Variants in ZNF562 observed in about 807,000 individuals in gnomAD.
ZNF562 encodes the protein zinc finger protein 562.
A neutral mutation model predicts 17.5 loss-of-function variants in ZNF562; 13 were observed. The observed-to-expected ratio is 0.74, with a 90% CI of 0.48 to 1.18. The LOEUF is 1.18. Among genes scored for constraint, ZNF562 ranks in the 50% most tolerant of loss-of-function variants. The probability of loss-of-function intolerance (pLI) is 0.00; values close to 1 mark genes in which losing one functional copy is unlikely to be tolerated. For synonymous variants in ZNF562, 163 were observed against 165.4 expected, an observed-to-expected ratio of 0.99 and a Z score of 0.11; for missense variants, 481 against 498.5, an observed-to-expected ratio of 0.96 and a Z score of 0.33.
At position 9,648,240 on chromosome 19, in the gene ZNF562, A is replaced by G. The variant is rs2074822757; in HGVS notation, c.*4709T>C. The G allele has an allele frequency of 6.6e-6, 1 of 152,248 alleles. No homozygotes were observed. The highest frequency in any genetic ancestry group is 6.5e-5 in the Admixed American group (1 of 15,282). 9.4% of individuals were successfully genotyped at this position (152,248 alleles called of 1,614,324 possible). On this transcript the variant is annotated 3_prime_UTR_variant, in exon 6 of 6. Transcript: ENST00000453372. ...GATCCATTATGTCACAGTCGAGCTTATCCAGGAATACAAGGTTGATGTAAC... is the reference window on the plus strand; with the variant it reads ...GATCCATTATGTCACAGTCGAGCTTGTCCAGGAATACAAGGTTGATGTAAC...
Position 9,652,940 on chromosome 19 carries a change from A to T in ZNF562, c.*9T>A. On this transcript the variant is annotated 3_prime_UTR_variant, in exon 6 of 6. Transcript: ENST00000453372. ...GGAATACAGAAATTCTTTCCCACAT[A>T]TCTTGCATTTACCTTTCTCCACTGT... 1 of 1,474,708 alleles carries T rather than the reference A, an allele frequency of 6.8e-7. No individual in the cohort carries two copies. The highest frequency in any genetic ancestry group is 9.0e-7 in the Non-Finnish European group (1 of 1,112,436). 91.4% of individuals were successfully genotyped at this position (1,474,708 alleles called of 1,614,324 possible).
At chr19:9,655,752 TA>T (rs2043454174) in intron 5 of ZNF562, among the ~76,000 whole-genome samples, 2 of 100,238 alleles carry the variant, frequency 2.0e-5, no homozygotes, top group Non-Finnish European at 3.8e-5. Context: ...TTTTTTTTTT[TA>T]GATGGAGTCT....
chr19:9,645,946 A>G lies in ZNF562; in HGVS notation c.*7003T>C, dbSNP rs1449758902. The G allele has an allele frequency of 2.0e-5, 3 of 152,238 alleles. No individual in the cohort carries two copies. The highest frequency in any genetic ancestry group is 4.4e-5 in the Non-Finnish European group (3 of 68,044). The allele number at this position is 152,238 out of a possible 1,614,324, so 9.4% of individuals were successfully genotyped here. A position where few individuals can be genotyped will look rare whatever the true frequency, so the allele number is the denominator to read the frequency against. On this transcript the variant is annotated 3_prime_UTR_variant, in exon 6 of 6. Transcript: ENST00000453372. ...CAATACACATCAGTACAAAGAGGGG[A>G]ACACAATGAAACAAACAAAAAAAAT...
intron 1 of ZNF562, among the ~76,000 whole-genome samples, chr19:9,663,397 G>A (rs371436089): frequency 9.9e-5 from 14 of 141,742 alleles, no homozygotes; most frequent in South Asian, 2.3e-4. Flanking sequence ...GTGACAGAGC[G>A]AGACTCCATC....
In ZNF562 at chr19:9,648,909, G is replaced by A. The variant is rs1454850129; in HGVS notation, c.*4040C>T. On this transcript the variant is annotated 3_prime_UTR_variant, in exon 6 of 6. Coordinates refer to ENST00000453372, the MANE Select transcript of ZNF562 (RefSeq NM_001130031.2). ...AGGAAGCATTTAATAAATTCAAGAG[G>A]AATTCAGCCTCATAAACTATGAAAT... The A allele has an allele frequency of 3.3e-5, 5 of 151,996 alleles. No individual in the cohort carries two copies. The highest frequency in any genetic ancestry group is 9.7e-5 in the African/African-American group (4 of 41,390). The allele number at this position is 151,996 out of a possible 1,614,324, so 9.4% of individuals were successfully genotyped here. A position where few individuals can be genotyped will look rare whatever the true frequency, so the allele number is the denominator to read the frequency against.
chr19:9,665,785 C>T (rs935996215), intron 1 of ZNF562, among the ~76,000 whole-genome samples: 2 of 151,852 alleles, frequency 1.3e-5, no homozygotes, highest in Non-Finnish European at 2.9e-5. Context: ...GAGGCCGACA[C>T]AGGTGGATGG....
chr19:9,669,717 A>T (rs60114382), intron 1 of ZNF562, among the ~76,000 whole-genome samples: 5 of 99,002 alleles, frequency 5.1e-5, no homozygotes, highest in East Asian at 3.3e-4. Flanking sequence ...CACGCGCGCG[A>T]GCGCGCGCGC....
chr19:9,668,304 G>T (rs1757124256), intron 1 of ZNF562, among the ~76,000 whole-genome samples: 1 of 152,078 alleles, frequency 6.6e-6, no homozygotes, highest in South Asian at 2.1e-4. Flanking sequence ...TTGAGCCCAG[G>T]AGTTCAAGGC....
chr19:9,669,734 G>GCGCACACACACACACA (rs1221319747), intron 1 of ZNF562, among the ~76,000 whole-genome samples: 2 of 109,300 alleles, frequency 1.8e-5, no homozygotes, highest in Non-Finnish European at 3.7e-5. Flanking sequence ...GCGCGCGCGC[G>GCGCACACACACACACA]CACACACACA....
chr19:9,653,987 G>A (rs542271614), intron 5 of ZNF562, 106 bp from the exon 6 acceptor site: 6 of 1,111,976 alleles, frequency 5.4e-6, no homozygotes, highest in Middle Eastern at 2.3e-4. Context: ...ACTTTTTAAT[G>A]TTTAATTTTT....
chr19:9,663,125 G>C (rs1231443183), intron 1 of ZNF562, among the ~76,000 whole-genome samples: 1 of 151,636 alleles, frequency 6.6e-6, no homozygotes, highest in African/African-American at 2.4e-5. Flanking sequence ...GCCAGAACTG[G>C]ATGGGTGCAG....
rs965155196 is a variant in ZNF562, at chr19:9,660,801, G to A, written c.-57C>T. 162 of 1,593,092 alleles carry A rather than the reference G, an allele frequency of 1.0e-4. 2 individuals carry two copies. The Middle Eastern group carries it at 2.5e-3, about 25-fold the overall frequency. On this transcript the variant is annotated 5_prime_UTR_variant, in exon 2 of 6. Transcript: ENST00000453372. ...TGCTGTCTTTCTTGATGCCAAGATCGCCTCAGGGCAGCTTATGAATCTAGG... is the reference window on the plus strand; with the variant it reads ...TGCTGTCTTTCTTGATGCCAAGATCACCTCAGGGCAGCTTATGAATCTAGG...
intron 1 of ZNF562, among the ~76,000 whole-genome samples, chr19:9,672,782 T>C (rs922446539): frequency 1.1e-4 from 16 of 149,024 alleles, no homozygotes; most frequent in Admixed American, 6.7e-4. Context: ...CCTTTCTTTT[T>C]TTTTTTTTTT....
intron 4 of ZNF562, among the ~76,000 whole-genome samples, chr19:9,657,551 C>CT (rs112714600): frequency 0.25 from 35,887 of 142,304 alleles, 5,100 homozygotes; most frequent in African/African-American, 0.38. Context: ...CTTTAAAAAT[C>CT]TTTTTTTTTT....
In ZNF562 at chr19:9,647,957, G is replaced by T. The variant is rs2074820320; in HGVS notation, c.*4992C>A. On this transcript the variant is annotated 3_prime_UTR_variant, in exon 6 of 6. Coordinates refer to ENST00000453372, the MANE Select transcript of ZNF562 (RefSeq NM_001130031.2). ...GATGTGGTTTCGCTATGTTGCCCAG[G>T]CTGGTTTGAACTCCTTGGCTCAAGG... 6.6e-6 allele frequency: 1 copy of T among 152,142 alleles called. No individual in the cohort carries two copies. Among genetic ancestry groups the T allele is most frequent in the South Asian group, 2.1e-4 (1 of 4,822 alleles). 9.4% of individuals were successfully genotyped at this position (152,142 alleles called of 1,614,324 possible).
chr19:9,669,179 C>T (rs987077434), intron 1 of ZNF562, among the ~76,000 whole-genome samples: 1 of 152,056 alleles, frequency 6.6e-6, no homozygotes, highest in Middle Eastern at 3.2e-3. Context: ...AAGAAACAAT[C>T]TACAGTATGG....
rs2074799320 is a variant in ZNF562, at chr19:9,645,328, AGCCACTGTGCCTG to A, written c.*7608_*7620del. On this transcript the variant is annotated 3_prime_UTR_variant, in exon 6 of 6. Coordinates refer to ENST00000453372, the MANE Select transcript of ZNF562 (RefSeq NM_001130031.2). ...CCAAAGTGCTGGGTTTAAAGGCATG[AGCCACTGTGCCTG>A]GCCCAGAATTCTTTACTGCTAACAC... 1 of 152,216 alleles carries A rather than the reference AGCCACTGTGCCTG, an allele frequency of 6.6e-6. No individual in the cohort carries two copies. The highest frequency in any genetic ancestry group is 1.5e-5 in the Non-Finnish European group (1 of 68,076). The allele number at this position is 152,216 out of a possible 1,614,324, so 9.4% of individuals were successfully genotyped here. A position where few individuals can be genotyped will look rare whatever the true frequency, so the allele number is the denominator to read the frequency against.
Position 9,659,382 on chromosome 19 carries a change from G to A in ZNF562, c.111C>T (p.Tyr37=). ...CAACGGTACATTTTCTGTTTACCTG[G>A]TAAGAATTTGACCGGTGGTCCTCTA... ...TMVEDHRSNS[Y]QDSVTFDDVA... Residue 37 remains tyrosine, a synonymous_variant, in exon 3 of 6, where the codon TAC becomes TAT. Transcript: ENST00000453372. The A allele has an allele frequency of 1.3e-6, 2 of 1,550,722 alleles. No individual in the cohort carries two copies. The highest frequency in any genetic ancestry group is 1.7e-6 in the Non-Finnish European group (2 of 1,146,286).
At position 9,667,218 on chromosome 19, in the gene ZNF562, C is replaced by T. The variant is rs185101041; in HGVS notation, c.-130-6344G>A. The stretch of plus-strand genomic sequence containing the variant: ...AAATACAAGGATGGTTCAACATATG[C>T]AAATCAATAAATGTGACGTACCAAA... On this transcript the variant is annotated intron_variant, in intron 1 of 5. Coordinates refer to ENST00000453372, the MANE Select transcript of ZNF562 (RefSeq NM_001130031.2). Among the ~76,000 whole-genome samples the T allele has an allele frequency of 9.5e-4, 145 of 152,240 alleles. 2 individuals carry two copies. In the Middle Eastern group the frequency reaches 0.01, roughly 11 times the overall value.
Sources: gnomAD v4.1 joint callset for allele counts (sites outside exome capture counted in the v4.1 genomes callset) on GRCh38, gnomAD v4.1.1 for gene constraint, MANE v1.5 for transcripts, NCBI Gene and HGNC (gene_info 2026-07-23, HGNC 2026-07-21) for gene names.